Variants in MIA2 observed in about 807,000 individuals in gnomAD.
The protein encoded by MIA2 is MIA SH3 domain ER export factor 2, also known as melanoma inhibitory activity protein 2.
MIA2 carries 127 observed loss-of-function variants against 167.8 expected under a neutral mutation model. That is an observed-to-expected ratio of 0.76 (90% CI 0.66 to 0.88). The LOEUF is 0.88. Among genes scored for constraint, MIA2 ranks in the 40% least tolerant of loss-of-function variants. The pLI is 0.00. For synonymous variants in MIA2, 552 were observed against 541.9 expected, an observed-to-expected ratio of 1.02 and a Z score of -0.26; for missense variants, 1,690 against 1,624.7, an observed-to-expected ratio of 1.04 and a Z score of -0.69.
At chr14:39,355,309 C>T (rs559078008), downstream of MIA2, among the ~76,000 whole-genome samples, 1 of 152,132 alleles carries the variant, frequency 6.6e-6, no homozygotes, top group Non-Finnish European at 1.5e-5. Context: ...ATTTTATTCT[C>T]TTTGAAGCAA....
chr14:39,280,496 G>C (rs528288696), intron 9 of MIA2, among the ~76,000 whole-genome samples: 8 of 152,226 alleles, frequency 5.3e-5, no homozygotes, highest in African/African-American at 1.9e-4. Context: ...ACTTTGGGAG[G>C]CTGAGGCGGG....
chr14:39,243,014 T>G (rs1002366801), intron 3 of MIA2, among the ~76,000 whole-genome samples: 19 of 151,404 alleles, frequency 1.3e-4, no homozygotes, highest in South Asian at 1.3e-3. Flanking sequence ...TCCCAGCTAC[T>G]TGGGAGGCTG....
intron 27 of MIA2, 70 bp downstream of exon 27, chr14:39,347,841 T>C: frequency 9.0e-7 from 1 of 1,105,356 alleles, no homozygotes; most frequent in African/African-American, 1.8e-5. Context: ...TTTTTTTTTT[T>C]ATGGAGTTTC....
chr14:39,257,164 G>C (rs1406585259), intron 6 of MIA2, among the ~76,000 whole-genome samples: 2 of 152,148 alleles, frequency 1.3e-5, no homozygotes, highest in African/African-American at 4.8e-5. Context: ...TCGTTGATCT[G>C]TCATAATATT....
chr14:39,293,173 G>A, intron 10 of MIA2, 98 bp from the exon 11 acceptor site: 2 of 839,560 alleles, frequency 2.4e-6, no homozygotes, highest in South Asian at 3.2e-5. Flanking sequence ...ATAAATGAAA[G>A]TTATTTAACT....
At chr14:39,360,282 A>G (rs1429218461) in intron 23 of MIA2, among the ~76,000 whole-genome samples, 1 of 152,196 alleles carries the variant, frequency 6.6e-6, no homozygotes, top group Non-Finnish European at 1.5e-5. Flanking sequence ...AGCCTGGGCA[A>G]TAGAGCCTTG....
intron 22 of MIA2, among the ~76,000 whole-genome samples, chr14:39,318,294 G>T (rs1440903010): frequency 6.7e-6 from 1 of 148,472 alleles, no homozygotes; most frequent in Non-Finnish European, 1.5e-5. Context: ...AAAATGGATG[G>T]AAAGAGAAGG....
chr14:39,332,762 C>T (rs10148574), intron 25 of MIA2, among the ~76,000 whole-genome samples: 28,989 of 151,714 alleles, frequency 0.19, 3,129 homozygotes, highest in East Asian at 0.49. Flanking sequence ...GCTCTCTAAC[C>T]AGTCCCAGTG....
At chr14:39,267,419 G>T (rs1317385945) in intron 6 of MIA2, 2 of 1,609,668 alleles carry the variant, frequency 1.2e-6, no homozygotes, top group African/African-American at 1.3e-5. Flanking sequence ...GCCCCGACAG[G>T]CCGGGGTTAC....
chr14:39,241,292 C>T (rs2054025972), intron 3 of MIA2, among the ~76,000 whole-genome samples: 1 of 152,120 alleles, frequency 6.6e-6, no homozygotes. Context: ...AGCCAATTTA[C>T]CTTAAATAAG....
At chr14:39,379,505 G>C (rs12893829) in intron 23 of MIA2, among the ~76,000 whole-genome samples, 70,048 of 151,968 alleles carry the variant, frequency 0.46, 17,997 homozygotes, top group African/African-American at 0.7. Flanking sequence ...AACAAACAAC[G>C]CACCACCTTC....
chr14:39,380,005 G>A (rs1411977699), intron 23 of MIA2, among the ~76,000 whole-genome samples: 2 of 152,200 alleles, frequency 1.3e-5, no homozygotes, highest in Admixed American at 6.6e-5. Context: ...CAACCCACAA[G>A]TCAAAACTAA....
At position 39,252,752 on chromosome 14, in the gene MIA2, G is replaced by A; in HGVS notation, c.1572G>A (p.Met524Ile). ...TTTCTTTTTATTTATTTGTAGATAT[G>A]GTCTCTAACATAGAGTTACCTACGA... The part of the protein sequence containing the change: ...IFKSSYSLSD[M>I]VSNIELPTRI... Residue 524 changes from methionine to isoleucine, a missense_variant, in exon 5 of 29, where the codon ATG (methionine) becomes ATA (isoleucine). Coordinates refer to ENST00000640607, the MANE Select transcript of MIA2 (RefSeq NM_001329214.4). 6.3e-7 allele frequency: 1 copy of A among 1,599,666 alleles called. No individual in the cohort carries two copies. The highest frequency in any genetic ancestry group is 2.2e-5 in the East Asian group (1 of 44,736).
At chr14:39,283,685 A>T (rs796982075) in intron 9 of MIA2, among the ~76,000 whole-genome samples, 4 of 152,256 alleles carry the variant, frequency 2.6e-5, no homozygotes, top group African/African-American at 9.6e-5. Flanking sequence ...TGTCTTTTTG[A>T]TAATAGCTAT....
chr14:39,306,301 T>A (rs1295666103), intron 17 of MIA2, among the ~76,000 whole-genome samples: 1 of 152,098 alleles, frequency 6.6e-6, no homozygotes, highest in African/African-American at 2.4e-5. Context: ...AGAAAAGAGG[T>A]TTAACTGGCT....
intron 9 of MIA2, among the ~76,000 whole-genome samples, chr14:39,287,529 TA>T (rs1237474855): frequency 6.6e-6 from 1 of 151,982 alleles, no homozygotes; most frequent in South Asian, 2.1e-4. Context: ...ACTTTCTTTT[TA>T]TTTTTTTTCA....
At chr14:39,280,337 C>T (rs866403392) in intron 9 of MIA2, among the ~76,000 whole-genome samples, 19 of 151,792 alleles carry the variant, frequency 1.3e-4, no homozygotes, top group Non-Finnish European at 1.3e-4. Flanking sequence ...CATTCTTCTA[C>T]AAGTTTTTTT....
downstream of MIA2, among the ~76,000 whole-genome samples, chr14:39,355,798 C>G (rs949521455): frequency 5.1e-4 from 78 of 152,276 alleles, no homozygotes; most frequent in African/African-American, 1.6e-3. Flanking sequence ...TTTTCTGCAT[C>G]TATTGAGATA....
chr14:39,298,170 T>C (rs1189872692), intron 13 of MIA2, among the ~76,000 whole-genome samples: 1 of 151,958 alleles, frequency 6.6e-6, no homozygotes, highest in African/African-American at 2.4e-5. Flanking sequence ...TTGGAAAATA[T>C]TTCACCTAGA....
Sources: allele counts gnomAD v4.1 joint callset (sites outside exome capture counted in the v4.1 genomes callset), GRCh38; gene constraint gnomAD v4.1.1; transcripts MANE v1.5; gene names NCBI Gene and HGNC (gene_info 2026-07-23, HGNC 2026-07-21).